The following RORB variants were observed in gnomAD, a reference collection of about 807,000 sequenced individuals.
The protein encoded by RORB is RAR related orphan receptor B.
In RORB, 6 loss-of-function variants were observed where a neutral mutation model predicts 59.1. The ratio of observed to expected loss-of-function variants is 0.10; its 90% CI spans 0.06 to 0.20. RORB has a LOEUF of 0.20. Ranked by LOEUF, RORB falls within the 10% of genes least tolerant of loss-of-function variation. The pLI is 1.00. For synonymous variants in RORB, 215 were observed against 204.5 expected (o/e 1.05, Z -0.44); for missense variants, 320 against 560.5 (o/e 0.57, Z 4.33).
At chr9:74,642,324 G>T in intron 3 of RORB, 90 bp from the exon 4 acceptor site, 1 of 1,317,246 alleles carries the variant, frequency 7.6e-7, no homozygotes. Context: ...TGAAGTTGAA[G>T]GGACAACCAT....
At chr9:74,599,219 C>T (rs911173451) in intron 1 of RORB, among the ~76,000 whole-genome samples, 2 of 152,080 alleles carry the variant, frequency 1.3e-5, no homozygotes, top group African/African-American at 4.8e-5. Context: ...TTGAACTGTA[C>T]TTCTTAAACA....
At chr9:74,667,994 A>C (rs946542823) in intron 8 of RORB, 93 bp downstream of exon 8, 7 of 752,260 alleles carry the variant, frequency 9.3e-6, no homozygotes, top group Non-Finnish European at 1.7e-5. Flanking sequence ...TGTTCAGGAG[A>C]AACTTTAACA....
chr9:74,518,058 G>A (rs997104601), intron 1 of RORB, among the ~76,000 whole-genome samples: 3 of 151,896 alleles, frequency 2.0e-5, no homozygotes, highest in Admixed American at 2.0e-4. Context: ...TAACAGCTCT[G>A]CCCTCCCCAT....
chr9:74,611,645 ATTTG>A (rs775555927), intron 1 of RORB, among the ~76,000 whole-genome samples: 1 of 151,848 alleles, frequency 6.6e-6, no homozygotes, highest in African/African-American at 2.4e-5. Flanking sequence ...TTCTTGGTTT[ATTTG>A]TTTGTTTGTT....
At chr9:74,535,093 T>G (rs1188628035) in intron 1 of RORB, among the ~76,000 whole-genome samples, 1 of 152,024 alleles carries the variant, frequency 6.6e-6, no homozygotes. Flanking sequence ...GAGAACAAGG[T>G]GAAACATGCA....
chr9:74,545,486 C>A (rs1006346356), intron 1 of RORB, among the ~76,000 whole-genome samples: 3 of 152,132 alleles, frequency 2.0e-5, no homozygotes, highest in Admixed American at 6.5e-5. Flanking sequence ...TGAATGAATC[C>A]AATTTCCCAG....
At chr9:74,608,877 G>C (rs1329117929) in intron 1 of RORB, among the ~76,000 whole-genome samples, 1 of 152,132 alleles carries the variant, frequency 6.6e-6, no homozygotes, top group Non-Finnish European at 1.5e-5. Flanking sequence ...CTAAAGAATT[G>C]ACTAAATTAA....
At chr9:74,550,897 A>G (rs553790657) in intron 1 of RORB, among the ~76,000 whole-genome samples, 2 of 152,244 alleles carry the variant, frequency 1.3e-5, no homozygotes, top group Admixed American at 6.5e-5. Context: ...TTGATTCTGA[A>G]GACTACCAAA....
chr9:74,559,611 A>T (rs1822363940), intron 1 of RORB, among the ~76,000 whole-genome samples: 1 of 152,192 alleles, frequency 6.6e-6, no homozygotes. Flanking sequence ...AAACAAATCC[A>T]GATATTTCAG....
intron 1 of RORB, among the ~76,000 whole-genome samples, chr9:74,513,316 C>T (rs1825965619): frequency 6.6e-6 from 1 of 152,012 alleles, no homozygotes; most frequent in Admixed American, 6.6e-5. Context: ...AAAAACCTCG[C>T]TCTGGTCCAT....
chr9:74,608,326 G>A lies in RORB; in HGVS notation c.8-21956G>A, dbSNP rs141013036. On this transcript the variant is annotated intron_variant, in intron 1 of 9. Coordinates refer to ENST00000376896, the MANE Select transcript of RORB (RefSeq NM_006914.4). Reference sequence around the variant, plus strand: ...CACGCCTGTAATCCCAGCACTTTGGGAGGCCGAGGCGGGCGGATCATGAGG... The same window carrying A: ...CACGCCTGTAATCCCAGCACTTTGGAAGGCCGAGGCGGGCGGATCATGAGG... Among the ~76,000 whole-genome samples, 3 of 152,072 alleles carry A rather than the reference G, an allele frequency of 2.0e-5. No homozygotes were observed. In the East Asian group the frequency reaches 5.8e-4, roughly 29 times the overall value.
chr9:74,622,187 G>A (rs954567209), intron 1 of RORB, among the ~76,000 whole-genome samples: 1 of 152,096 alleles, frequency 6.6e-6, no homozygotes, highest in East Asian at 1.9e-4. Flanking sequence ...GTGATGCTGT[G>A]TAATCACGAG....
intron 1 of RORB, among the ~76,000 whole-genome samples, chr9:74,621,394 T>A (rs1372549136): frequency 6.6e-6 from 1 of 152,226 alleles, no homozygotes; most frequent in African/African-American, 2.4e-5. Flanking sequence ...CATTTAAGTT[T>A]CCAACATATA....
intron 1 of RORB, among the ~76,000 whole-genome samples, chr9:74,627,645 C>T (rs918132031): frequency 3.3e-5 from 5 of 152,196 alleles, no homozygotes; most frequent in Non-Finnish European, 7.4e-5. Flanking sequence ...AGCAGATTCT[C>T]CCCACGTGTA....
intron 9 of RORB, among the ~76,000 whole-genome samples, chr9:74,674,255 T>C (rs1824397256): frequency 6.6e-6 from 1 of 152,214 alleles, no homozygotes; most frequent in African/African-American, 2.4e-5. Flanking sequence ...GGAGCTCTTC[T>C]GCCTTCCACA....
At chr9:74,642,841 CT>C (rs771929463) in intron 4 of RORB, 26 bp downstream of exon 4, 1 of 1,530,824 alleles carries the variant, frequency 6.5e-7, no homozygotes, top group Non-Finnish European at 8.8e-7. Flanking sequence ...CTCCCAGTGG[CT>C]TTTTTTGAGA....
intron 1 of RORB, among the ~76,000 whole-genome samples, chr9:74,564,919 C>T (rs1228054755): frequency 6.6e-6 from 1 of 152,130 alleles, no homozygotes; most frequent in Non-Finnish European, 1.5e-5. Flanking sequence ...TTCTGATTGG[C>T]AGCAAACATT....
At chr9:74,641,249 G>A (rs1823800131) in intron 3 of RORB, among the ~76,000 whole-genome samples, 1 of 152,132 alleles carries the variant, frequency 6.6e-6, no homozygotes, top group East Asian at 1.9e-4. Flanking sequence ...AACCTGTGAG[G>A]AGAAATGTCA....
chr9:74,514,199 G>A (rs1825979029), intron 1 of RORB, among the ~76,000 whole-genome samples: 1 of 152,102 alleles, frequency 6.6e-6, no homozygotes, highest in Non-Finnish European at 1.5e-5. Context: ...TAAAGAAATT[G>A]TGAATAACTA....
Sources: allele counts gnomAD v4.1 joint callset (sites outside exome capture counted in the v4.1 genomes callset), GRCh38; gene constraint gnomAD v4.1.1; transcripts MANE v1.5; gene names NCBI Gene and HGNC (gene_info 2026-07-23, HGNC 2026-07-21).